Variants in UNC13C observed in about 807,000 individuals in gnomAD.
The protein encoded by UNC13C is protein unc-13 homolog C.
In UNC13C, 174 loss-of-function variants were observed where a neutral mutation model predicts 245.4. The ratio of observed to expected loss-of-function variants is 0.71; its 90% confidence interval spans 0.63 to 0.80. The LOEUF (loss-of-function observed/expected upper bound fraction) is 0.80. Ranked by LOEUF, UNC13C falls within the 30% of genes least tolerant of loss-of-function variation. The pLI, the probability that UNC13C is intolerant of heterozygous loss-of-function variation, is 0.00. For synonymous variants in UNC13C, 992 were observed against 895.1 expected, an observed-to-expected ratio of 1.11 and a Z score of -1.93; for missense variants, 2,829 against 2,602.9, an observed-to-expected ratio of 1.09 and a Z score of -1.89.
the UNC13C span, among the ~76,000 whole-genome samples, chr15:53,932,314 AAACAACAAC>A: frequency 3.4e-5 from 3 of 89,248 alleles, no homozygotes; most frequent in East Asian, 3.8e-4. Flanking sequence ...TCAAAAATCA[AAACAACAAC>A]AACAACAACA....
intron 4 of UNC13C, among the ~76,000 whole-genome samples, chr15:54,205,156 G>C (rs756083421): frequency 5.3e-5 from 8 of 151,874 alleles, no homozygotes; most frequent in Non-Finnish European, 1.2e-4. Context: ...ATCATATCTT[G>C]GGTCAGGGAA....
chr15:53,983,096 T>G (rs766723140), intron 1 of UNC13C, among the ~76,000 whole-genome samples: 4 of 152,162 alleles, frequency 2.6e-5, no homozygotes, highest in Admixed American at 2.6e-4. Flanking sequence ...TGTATAAGGC[T>G]CTTTACTGTG....
At chr15:54,603,284 C>T (rs1899547290) in intron 30 of UNC13C, among the ~76,000 whole-genome samples, 1 of 152,178 alleles carries the variant, frequency 6.6e-6, no homozygotes, top group Non-Finnish European at 1.5e-5. Flanking sequence ...AAGTATGACT[C>T]TCTTTTAATC....
chr15:54,015,735 G>T lies in UNC13C; in HGVS notation c.2832G>T (p.Glu944Asp). 6.2e-6 allele frequency: 10 copies of T among 1,613,516 alleles called. No homozygotes were observed. Among genetic ancestry groups the T allele is most frequent in the Non-Finnish European group, 8.5e-6 (10 of 1,179,680 alleles). The part of the protein sequence containing the change: ...GLEPLNETSA[E>D]MEIREDENQN... ...AACCCTTAAATGAAACATCAGCTGA[G>T]ATGGAAATAAGAGAAGATGAAAACC... Residue 944 changes from glutamate to aspartate, a missense_variant, in exon 2 of 33, where the codon GAG (glutamate) becomes GAT (aspartate). Physicochemically the swap from Glu to Asp is conservative, Grantham distance 45 (BLOSUM62 2). Coordinates refer to ENST00000260323, the MANE Select transcript of UNC13C (RefSeq NM_001080534.3).
At chr15:54,287,672 C>G (rs1259361906) in intron 10 of UNC13C, among the ~76,000 whole-genome samples, 1 of 152,086 alleles carries the variant, frequency 6.6e-6, no homozygotes. Context: ...CATCAGAATA[C>G]TATTGCTCAT....
At chr15:54,329,619 G>T (rs11638228) in intron 14 of UNC13C, among the ~76,000 whole-genome samples, 29,874 of 151,902 alleles carry the variant, frequency 0.2, 3,285 homozygotes, top group Middle Eastern at 0.29. Flanking sequence ...TCTCACTCTA[G>T]TTAAATAGAA....
intron 17 of UNC13C, among the ~76,000 whole-genome samples, chr15:54,376,250 A>G (rs983981339): frequency 4.6e-5 from 7 of 152,196 alleles, no homozygotes; most frequent in African/African-American, 1.7e-4. Flanking sequence ...ATATATAAAA[A>G]TAAATTTCCT....
At chr15:53,970,683 G>T in the UNC13C span, among the ~76,000 whole-genome samples, 1 of 152,094 alleles carries the variant, frequency 6.6e-6, no homozygotes, top group Admixed American at 6.5e-5. Context: ...CTGTTTGGGG[G>T]ATGCAGAGGG....
At chr15:54,548,182 T>C (rs1190342895) in intron 27 of UNC13C, among the ~76,000 whole-genome samples, 1 of 151,252 alleles carries the variant, frequency 6.6e-6, no homozygotes, top group Non-Finnish European at 1.5e-5. Flanking sequence ...AACTCTTGTT[T>C]TGTTGTTGTT....
chr15:54,611,132 T>G (rs1157236090), intron 30 of UNC13C, among the ~76,000 whole-genome samples: 2 of 151,702 alleles, frequency 1.3e-5, no homozygotes, highest in East Asian at 3.9e-4. Flanking sequence ...TTGGTCAGAG[T>G]GATTGGGGAA....
intron 14 of UNC13C, among the ~76,000 whole-genome samples, chr15:54,326,352 C>G (rs1596225193): frequency 6.6e-6 from 1 of 152,004 alleles, no homozygotes. Context: ...AAAGAAATTC[C>G]TAGTAAACTG....
At chr15:54,228,746 C>G (rs935834676) in intron 4 of UNC13C, among the ~76,000 whole-genome samples, 4 of 152,136 alleles carry the variant, frequency 2.6e-5, no homozygotes, top group African/African-American at 9.7e-5. Flanking sequence ...AGTCCTCTTG[C>G]TCTTCCCTCT....
At chr15:53,931,281 G>T in the UNC13C span, among the ~76,000 whole-genome samples, 2 of 152,074 alleles carry the variant, frequency 1.3e-5, no homozygotes, top group Non-Finnish European at 2.9e-5. Context: ...TGATTCTCCT[G>T]CCTCAGCCTC....
intron 17 of UNC13C, among the ~76,000 whole-genome samples, chr15:54,350,270 G>A (rs578191193): frequency 8.8e-4 from 134 of 152,286 alleles, no homozygotes; most frequent in African/African-American, 3.1e-3. Flanking sequence ...GATTACAGGC[G>A]TGAGACCCCA....
At chr15:54,048,547 G>A (rs2141047806) in intron 2 of UNC13C, 1 of 505,422 alleles carries the variant, frequency 2.0e-6, no homozygotes, top group Non-Finnish European at 3.8e-6. Context: ...TCTTTAAATG[G>A]AAGACTTTTT....
chr15:54,565,767 T>C (rs1472153453), intron 29 of UNC13C, among the ~76,000 whole-genome samples: 1 of 151,896 alleles, frequency 6.6e-6, no homozygotes, highest in Non-Finnish European at 1.5e-5. Flanking sequence ...ATCTATACTA[T>C]TATTATTAAT....
chr15:53,988,540 T>TG (rs1566933803), intron 1 of UNC13C, among the ~76,000 whole-genome samples: 1 of 151,852 alleles, frequency 6.6e-6, no homozygotes, highest in Admixed American at 6.6e-5. Context: ...TTGCATCTTT[T>TG]GGGGGAAGGA....
At chr15:54,237,730 TGCTC>T in intron 7 of UNC13C, 40 bp downstream of exon 7, 4 of 1,478,596 alleles carry the variant, frequency 2.7e-6, no homozygotes, top group Non-Finnish European at 3.7e-6. Flanking sequence ...AACTAGATAT[TGCTC>T]ATAATCACAA....
intron 18 of UNC13C, among the ~76,000 whole-genome samples, chr15:54,394,335 C>A (rs915313760): frequency 6.6e-6 from 1 of 151,656 alleles, no homozygotes; most frequent in African/African-American, 2.4e-5. Context: ...CCCTTTTCCC[C>A]CACACCTAAT....
Sources: gnomAD v4.1 joint callset for allele counts (sites outside exome capture counted in the v4.1 genomes callset) on GRCh38, gnomAD v4.1.1 for gene constraint, MANE v1.5 for transcripts, NCBI Gene and HGNC (gene_info 2026-07-23, HGNC 2026-07-21) for gene names.